Variants in ZMYM4 observed in about 807,000 individuals in gnomAD.
The protein encoded by ZMYM4 is zinc finger MYM-type protein 4.
A neutral mutation model predicts 183.2 loss-of-function variants in ZMYM4; 31 were observed. The observed-to-expected ratio is 0.17, with a 90% confidence interval of 0.13 to 0.23. The LOEUF (loss-of-function observed/expected upper bound fraction) is 0.23. Ranked by LOEUF, ZMYM4 falls within the 10% of genes least tolerant of loss-of-function variation. The pLI, the probability that ZMYM4 is intolerant of heterozygous loss-of-function variation, is 1.00. For synonymous variants in ZMYM4, 592 were observed against 631.2 expected (o/e 0.94, Z 0.93); for missense variants, 1,273 against 1,840.3 (o/e 0.69, Z 5.64).
At chr1:35,346,650 C>CAAAAAAAAAAAAAAAAAAAAA (rs746472685) in intron 2 of ZMYM4, among the ~76,000 whole-genome samples, 1 of 54,188 alleles carries the variant, frequency 1.8e-5, no homozygotes, top group African/African-American at 4.7e-5. Flanking sequence ...GACTCCATCT[C>CAAAAAAAAAAAAAAAAAAAAA]AAAAAAAAAA....
chr1:35,399,445 A>G (rs1365067707), intron 22 of ZMYM4, 37 bp from the exon 23 acceptor site: 1 of 1,576,944 alleles, frequency 6.3e-7, no homozygotes. Flanking sequence ...TTTGTGAGTT[A>G]TTTACCTCAT....
intron 1 of ZMYM4, among the ~76,000 whole-genome samples, chr1:35,294,987 A>G (rs1640936620): frequency 6.6e-6 from 1 of 152,214 alleles, no homozygotes; most frequent in African/African-American, 2.4e-5. Flanking sequence ...TCCAGTCACC[A>G]TTCATGCTTT....
At chr1:35,396,162 A>G (rs1199527969) in intron 18 of ZMYM4, among the ~76,000 whole-genome samples, 1 of 152,214 alleles carries the variant, frequency 6.6e-6, no homozygotes, top group East Asian at 1.9e-4. Context: ...TGTTAAAAAA[A>G]TCTTCAGTAG....
intron 2 of ZMYM4, among the ~76,000 whole-genome samples, chr1:35,339,296 G>A (rs182359151): frequency 2.6e-5 from 4 of 151,824 alleles, no homozygotes; most frequent in Non-Finnish European, 5.9e-5. Context: ...GTGCAGTGGC[G>A]CGATCTTTGC....
intron 7 of ZMYM4, among the ~76,000 whole-genome samples, chr1:35,376,515 A>G (rs1410913038): frequency 6.6e-6 from 1 of 151,602 alleles, no homozygotes; most frequent in Non-Finnish European, 1.5e-5. Flanking sequence ...TGTCTTCTCC[A>G]AAAATTATTT....
At chr1:35,276,706 CA>C (rs1269744692) in intron 1 of ZMYM4, among the ~76,000 whole-genome samples, 3 of 151,990 alleles carry the variant, frequency 2.0e-5, no homozygotes, top group Non-Finnish European at 2.9e-5. Context: ...CTCCTGGGTT[CA>C]AGCGATTTTC....
chr1:35,402,666 T>A (rs960069266), intron 23 of ZMYM4, among the ~76,000 whole-genome samples: 12 of 152,228 alleles, frequency 7.9e-5, no homozygotes, highest in Middle Eastern at 6.8e-3. Context: ...TACTAGTATA[T>A]AGAAATATAG....
intron 5 of ZMYM4, among the ~76,000 whole-genome samples, chr1:35,367,388 C>G (rs928483893): frequency 6.6e-6 from 1 of 151,802 alleles, no homozygotes; most frequent in Non-Finnish European, 1.5e-5. Flanking sequence ...ACCACCACAC[C>G]CCGCTGATTT....
chr1:35,328,224 T>C (rs994791092), intron 2 of ZMYM4, among the ~76,000 whole-genome samples: 1 of 152,150 alleles, frequency 6.6e-6, no homozygotes, highest in African/African-American at 2.4e-5. Flanking sequence ...GGTGTTTCTC[T>C]GCTCTCCTTC....
At chr1:35,345,940 G>T (rs1003416324) in intron 2 of ZMYM4, among the ~76,000 whole-genome samples, 2 of 152,086 alleles carry the variant, frequency 1.3e-5, no homozygotes, top group African/African-American at 4.8e-5. Context: ...TTCCCAACTC[G>T]AAATTTCTCT....
rs570660434 is a variant in ZMYM4 at position 35,398,401 on chromosome 1, C to G, written c.3200-12C>G. On this transcript the variant is annotated splice_polypyrimidine_tract_variant and intron_variant, in intron 20 of 29. Transcript: ENST00000314607. Reference sequence around the variant, plus strand: ...AAACATAAATTATTTATGTGCTTTTCTTTTTCTTTAGAGTCCCAAACTTCT... The same window carrying G: ...AAACATAAATTATTTATGTGCTTTTGTTTTTCTTTAGAGTCCCAAACTTCT... 2 of 1,605,910 alleles carry G rather than the reference C, an allele frequency of 1.2e-6. No individual in the cohort carries two copies. The highest frequency in any genetic ancestry group is 2.2e-5 in the South Asian group (2 of 89,642).
intron 1 of ZMYM4, among the ~76,000 whole-genome samples, chr1:35,278,885 T>C (rs916011769): frequency 4.6e-5 from 7 of 152,178 alleles, no homozygotes; most frequent in Admixed American, 6.5e-5. Flanking sequence ...AAACAACTTA[T>C]CTGCTTCCAA....
At chr1:35,388,003 T>C (rs1338128535) in intron 13 of ZMYM4, among the ~76,000 whole-genome samples, 1 of 152,234 alleles carries the variant, frequency 6.6e-6, no homozygotes, top group Non-Finnish European at 1.5e-5. Context: ...TGAATATAAA[T>C]GGCTTGAATA....
intron 1 of ZMYM4, among the ~76,000 whole-genome samples, chr1:35,306,812 C>T (rs1000987860): frequency 6.6e-6 from 1 of 152,206 alleles, no homozygotes; most frequent in African/African-American, 2.4e-5. Flanking sequence ...TCCTTCTGAT[C>T]TCATGGATGC....
intron 2 of ZMYM4, among the ~76,000 whole-genome samples, chr1:35,348,791 A>G (rs776916343): frequency 1.3e-5 from 2 of 152,236 alleles, no homozygotes. Context: ...TTGTAATTAT[A>G]TAAGTTAACA....
At chr1:35,341,061 A>G (rs1444138781) in intron 2 of ZMYM4, among the ~76,000 whole-genome samples, 3 of 151,978 alleles carry the variant, frequency 2.0e-5, no homozygotes, top group African/African-American at 7.2e-5. Flanking sequence ...AATTTCTATT[A>G]CATTCTATTA....
At chr1:35,357,711 A>T (rs1386663031) in intron 2 of ZMYM4, among the ~76,000 whole-genome samples, 1 of 152,222 alleles carries the variant, frequency 6.6e-6, no homozygotes, top group African/African-American at 2.4e-5. Context: ...GGGAGGGAAC[A>T]TGATGAGTTT....
intron 23 of ZMYM4, among the ~76,000 whole-genome samples, chr1:35,401,916 T>TA (rs1291561726): frequency 6.6e-6 from 1 of 152,196 alleles, no homozygotes; most frequent in Non-Finnish European, 1.5e-5. Context: ...ATCATATATG[T>TA]ATCTATCAGT....
At position 35,328,165 on chromosome 1, in the gene ZMYM4, GT is replaced by G. The variant is rs1642584732; in HGVS notation, c.85+2761del. Among the ~76,000 whole-genome samples the G allele has an allele frequency of 2.6e-5, 4 of 152,262 alleles. No individual in the cohort carries two copies. The South Asian group carries it at 6.2e-4, about 24-fold the overall frequency. On this transcript the variant is annotated intron_variant, in intron 2 of 29. Transcript: ENST00000314607. ...GTATTAAACCTGTAGCCGGGCTACT[GT>G]ACTTGGAGTTCTACACCCAACATTT...
Sources: gnomAD v4.1 joint callset for allele counts (sites outside exome capture counted in the v4.1 genomes callset) on GRCh38, gnomAD v4.1.1 for gene constraint, MANE v1.5 for transcripts, NCBI Gene and HGNC (gene_info 2026-07-23, HGNC 2026-07-21) for gene names.